Variants in DNAH2 observed in about 807,000 individuals in gnomAD.
DNAH2 encodes axonemal beta dynein heavy chain 2.
In DNAH2, 323 loss-of-function variants were observed where a neutral mutation model predicts 523.5. That is an observed-to-expected ratio of 0.62 (90% confidence interval 0.56 to 0.68). DNAH2 has a LOEUF of 0.68. DNAH2 is among the 30% of genes least tolerant of loss of function. The pLI, the probability that DNAH2 is intolerant of heterozygous loss-of-function variation, is 0.00. For missense variants in DNAH2, 4,907 were observed against 5,701.5 expected, an observed-to-expected ratio of 0.86 and a Z score of 4.49; for synonymous variants, 2,093 against 2,177.4, an observed-to-expected ratio of 0.96 and a Z score of 1.08.
At chr17:7,732,264 G>A (rs879316109) in intron 4 of DNAH2, among the ~76,000 whole-genome samples, 2 of 151,158 alleles carry the variant, frequency 1.3e-5, no homozygotes, top group Non-Finnish European at 1.5e-5. Context: ...GTGAAACCCC[G>A]TCTCTACTAA....
At chr17:7,806,835 T>A (rs927703969) in intron 61 of DNAH2, among the ~76,000 whole-genome samples, 1 of 151,944 alleles carries the variant, frequency 6.6e-6, no homozygotes, top group Non-Finnish European at 1.5e-5. Context: ...CCTGCCAGTC[T>A]CGGTTTGGTG....
At chr17:7,756,647 T>G (rs1172444762) in intron 12 of DNAH2, among the ~76,000 whole-genome samples, 1 of 152,086 alleles carries the variant, frequency 6.6e-6, no homozygotes, top group African/African-American at 2.4e-5. Context: ...ATAAAAATTA[T>G]TAATGGGATA....
intron 68 of DNAH2, 94 bp downstream of exon 68, chr17:7,818,190 C>A: frequency 6.3e-7 from 1 of 1,596,236 alleles, no homozygotes; most frequent in African/African-American, 1.3e-5. Flanking sequence ...TCCCTCCATT[C>A]AGACAGCCCT....
chr17:7,809,736 C>T (rs987301120), intron 63 of DNAH2, among the ~76,000 whole-genome samples: 3 of 152,024 alleles, frequency 2.0e-5, no homozygotes, highest in African/African-American at 7.3e-5. Context: ...AGGGTCCACA[C>T]CCACACTTGA....
intron 49 of DNAH2, among the ~76,000 whole-genome samples, chr17:7,794,678 A>T (rs188917754): frequency 1.4e-4 from 21 of 152,088 alleles, no homozygotes; most frequent in Admixed American, 4.6e-4. Context: ...CCAGCAAGTC[A>T]CTTGTCTCAG....
chr17:7,741,235 TC>T (rs1298558013), intron 11 of DNAH2, among the ~76,000 whole-genome samples: 39 of 133,258 alleles, frequency 2.9e-4, no homozygotes, highest in Non-Finnish European at 5.4e-4. Flanking sequence ...TTTTTCTCTC[TC>T]TCTTTCTTTC....
intron 63 of DNAH2, among the ~76,000 whole-genome samples, chr17:7,811,614 C>T (rs749796775): frequency 2.0e-5 from 3 of 152,132 alleles, no homozygotes; most frequent in Non-Finnish European, 4.4e-5. Context: ...AGGGTCAGTT[C>T]CTCATGGATG....
chr17:7,783,371 C>T (rs562988529), intron 39 of DNAH2, among the ~76,000 whole-genome samples: 40 of 152,240 alleles, frequency 2.6e-4, no homozygotes, highest in African/African-American at 7.5e-4. Context: ...GCCACTGCGC[C>T]GGGCCAGGAT....
In DNAH2 at chr17:7,723,423, C is replaced by A. The variant is rs370990511; in HGVS notation, c.167-205C>A. On this transcript the variant is annotated intron_variant, in intron 2 of 85. Coordinates refer to ENST00000572933, the MANE Select transcript of DNAH2 (RefSeq NM_020877.5). Reference sequence around the variant, plus strand: ...AAGTAGCTGGAATTACAGACACCCGCCACCACACCTGGCTAATTTTGTATT... The same window carrying A: ...AAGTAGCTGGAATTACAGACACCCGACACCACACCTGGCTAATTTTGTATT... Among the ~76,000 whole-genome samples, 14 of 151,278 alleles carry A rather than the reference C, an allele frequency of 9.3e-5. No individual in the cohort carries two copies. In the East Asian group the frequency reaches 2.1e-3, roughly 23 times the overall value.
At chr17:7,793,228 C>G in intron 48 of DNAH2, 23 bp downstream of exon 48, 1 of 1,605,468 alleles carries the variant, frequency 6.2e-7, no homozygotes, top group Non-Finnish European at 8.5e-7. Flanking sequence ...AGAGTCTGTT[C>G]TTCAGGCCTC....
At chr17:7,722,257 A>T (rs2074638625) in intron 2 of DNAH2, among the ~76,000 whole-genome samples, 1 of 151,970 alleles carries the variant, frequency 6.6e-6, no homozygotes, top group Non-Finnish European at 1.5e-5. Flanking sequence ...CACCAGCCTC[A>T]GCCTCCCAAA....
At chr17:7,722,289 G>A (rs1182670500) in intron 2 of DNAH2, among the ~76,000 whole-genome samples, 2 of 152,114 alleles carry the variant, frequency 1.3e-5, no homozygotes, top group Non-Finnish European at 2.9e-5. Context: ...ACAGGTATGA[G>A]CCATCGTGCC....
chr17:7,816,733 C>CA lies in DNAH2; in HGVS notation c.9893dup (p.Leu3300ProfsTer32), dbSNP rs2077678495. On this transcript the variant is annotated frameshift_variant and splice_region_variant, in exon 64 of 86. Transcript: ENST00000572933. LOFTEE classifies it high-confidence loss of function. ...GAAGGCCAGATGGGAGGAGACAGTC[C>CA]AGGTGAGATCAGCTGTACTACCTGG... The CA allele has an allele frequency of 3.1e-6, 5 of 1,613,338 alleles. No homozygotes were observed. The highest frequency in any genetic ancestry group is 4.2e-6 in the Non-Finnish European group (5 of 1,179,974).
rs182119544 is a variant in DNAH2 at position 7,801,093 on chromosome 17, G to A, written c.8700-485G>A. On this transcript the variant is annotated intron_variant, in intron 56 of 85. Coordinates refer to ENST00000572933, the MANE Select transcript of DNAH2 (RefSeq NM_020877.5). ...TCGCCATGTTGCCTAGGATGGTTTC[G>A]AACACGTGGGCTCAAGGAAGCCACC... Among the ~76,000 whole-genome samples the A allele has an allele frequency of 1.4e-3, 213 of 151,824 alleles. 3 individuals carry two copies. Among genetic ancestry groups the A allele is most frequent in the African/African-American group, 4.9e-3 (203 of 41,434 alleles).
chr17:7,805,351 C>G lies in DNAH2; in HGVS notation c.9400C>G (p.Arg3134Gly). 1.2e-6 allele frequency: 2 copies of G among 1,614,202 alleles called. No individual in the cohort carries two copies. The highest frequency in any genetic ancestry group is 1.7e-6 in the Non-Finnish European group (2 of 1,180,038). Reference sequence around the variant, plus strand: ...AGTGATGCAGGCAGTTATGATTCTTCGAGGCAACGAGCCCACATGGGCAGA... The same window carrying G: ...AGTGATGCAGGCAGTTATGATTCTTGGAGGCAACGAGCCCACATGGGCAGA... ...EIVMQAVMIL[R>G]GNEPTWAEAK... The change falls in exon 61 of 86, where the codon CGA becomes GGA. Residue 3134 changes from arginine to glycine, a missense_variant. Around this residue, in one of 3 missense-constraint regions of DNAH2, gnomAD observed 1,851 missense variants for 2,139.4 expected, o/e 0.87. Transcript: ENST00000572933.
intron 45 of DNAH2, 48 bp downstream of exon 45, chr17:7,792,117 C>A (rs1410855966): frequency 6.2e-7 from 1 of 1,608,312 alleles, no homozygotes; most frequent in Non-Finnish European, 8.5e-7. Flanking sequence ...TTCCAGACCC[C>A]CTGGGCATCC....
intron 13 of DNAH2, 74 bp from the exon 14 acceptor site, chr17:7,758,421 C>A: frequency 6.6e-7 from 1 of 1,525,840 alleles, no homozygotes; most frequent in South Asian, 1.3e-5. Flanking sequence ...TCACATTTCT[C>A]CACTGTTTCC....
At position 7,776,067 on chromosome 17, in the gene DNAH2, G is replaced by A. The variant is rs201053374; in HGVS notation, c.4865G>A (p.Arg1622Gln). ...GAACAGACCATGAGGGTGACCCTGC[G>A]GGACCTTCTCCGGAACTGCCACCTG... ...DVEQTMRVTL[R>Q]DLLRNCHLAL... Residue 1622 changes from arginine to glutamine, a missense_variant, in exon 31 of 86, where the codon CGG becomes CAG. Arg to Gln is a conservative substitution (Grantham distance 43). Around this residue, in one of 3 missense-constraint regions of DNAH2, gnomAD observed 2,806 missense variants for 3,190.8 expected, o/e 0.88. Coordinates refer to ENST00000572933, the MANE Select transcript of DNAH2 (RefSeq NM_020877.5). 3.8e-5 allele frequency: 62 copies of A among 1,614,070 alleles called. No homozygotes were observed. The highest frequency in any genetic ancestry group is 3.2e-4 in the South Asian group (29 of 91,088).
chr17:7,752,160 T>TACACACACACTCACAC (rs1555544465), intron 12 of DNAH2, among the ~76,000 whole-genome samples: 3 of 124,952 alleles, frequency 2.4e-5, no homozygotes, highest in Non-Finnish European at 4.9e-5. Flanking sequence ...TAAGTCATTT[T>TACACACACACTCACAC]ACACACACAC....
Sources: gnomAD v4.1 joint callset for allele counts (sites outside exome capture counted in the v4.1 genomes callset) on GRCh38, gnomAD v4.1.1 for gene constraint, gnomAD v4.1.1 regional missense constraint, MANE v1.5 for transcripts, NCBI Gene and HGNC (gene_info 2026-07-23, HGNC 2026-07-21) for gene names.